Variants in LONP1 observed in about 807,000 individuals in gnomAD.
The protein encoded by LONP1 is lon protease homolog, mitochondrial.
LONP1 carries 31 observed loss-of-function variants against 98.5 expected under a neutral mutation model. That is an observed-to-expected ratio of 0.31 (90% confidence interval 0.24 to 0.42). The LOEUF (loss-of-function observed/expected upper bound fraction) is 0.42. LONP1 is among the 20% of genes least tolerant of loss of function. LONP1 has a pLI of 1.00. For missense variants in LONP1, 1,336 were observed against 1,350.6 expected (o/e 0.99, Z 0.17); for synonymous variants, 781 against 594.7 (o/e 1.31, Z -4.56).
At chr19:5,696,831 G>A (rs1568313580) in intron 10 of LONP1, 74 bp from the exon 11 acceptor site, 2 of 1,000,426 alleles carry the variant, frequency 2.0e-6, no homozygotes, top group Non-Finnish European at 3.0e-6. Flanking sequence ...CACCCTCCAG[G>A]GCCACAGGGG....
In LONP1 at chr19:5,713,140, T is replaced by C; in HGVS notation, c.632A>G (p.His211Arg). Residue 211 changes from histidine to arginine, a missense_variant, in exon 3 of 18, where the codon CAC (histidine) becomes CGC (arginine). This residue lies in a region of LONP1 where 457 missense variants were observed against 403.1 expected (regional missense o/e 1.13). Transcript: ENST00000360614. Reference protein sequence around the residue: ...GDKLRMIVMGHRRVHISRQLE... With the variant: ...GDKLRMIVMGRRRVHISRQLE... The stretch of plus-strand genomic sequence containing the variant: ...TCCCCCGCCAGCCACCCACCTTCTG[T>C]GTCCCATGACGATCATGCGCAGCTT... 1.2e-6 allele frequency: 2 copies of C among 1,614,066 alleles called. No homozygotes were observed. The highest frequency in any genetic ancestry group is 1.7e-6 in the Non-Finnish European group (2 of 1,179,972).
chr19:5,693,694 C>T lies in LONP1; in HGVS notation c.2396G>A (p.Ser799Asn), dbSNP rs890065978. ...CCCCAGCTGGCCTGTCACCTCCAGG[C>T]TGCCATCCTTGTCACCCTTGGCATC... is the stretch of plus-strand genomic sequence containing the variant. ...DKDAKGDKDGSLEVTGQLGEV... is the reference protein window; with the variant it reads ...DKDAKGDKDGNLEVTGQLGEV... Residue 799 changes from serine to asparagine, a missense_variant, in exon 16 of 18, where the codon AGC becomes AAC. By Grantham distance (46) the Ser-to-Asn change is conservative (BLOSUM62 1). Around this residue, in one of 5 missense-constraint regions of LONP1, gnomAD observed 555 missense variants for 542.6 expected, o/e 1.02. Coordinates refer to ENST00000360614, the MANE Select transcript of LONP1 (RefSeq NM_004793.4). The T allele has an allele frequency of 6.2e-7, 1 of 1,614,018 alleles. No homozygotes were observed. The highest frequency in any genetic ancestry group is 1.3e-5 in the African/African-American group (1 of 74,914).
chr19:5,719,928 A>C lies in LONP1; in HGVS notation c.205T>G (p.Trp69Gly). Residue 69 changes from tryptophan (W) to glycine (G), a missense_variant, in exon 1 of 18, where the codon TGG (tryptophan) becomes GGG (glycine). Around this residue, in one of 5 missense-constraint regions of LONP1, gnomAD observed 457 missense variants for 403.1 expected, o/e 1.13. Transcript: ENST00000360614. The stretch of plus-strand genomic sequence containing the variant: ...CCTCCGCCGCGGCTGCTCGCTTCCC[A>C]AAACCCCCGCCATTGGCCCCCAATT... ...PAIGGQWRGF[W>G]EASSRGGGAF... 6.4e-7 allele frequency: 1 copy of C among 1,551,838 alleles called. No individual in the cohort carries two copies. The highest frequency in any genetic ancestry group is 8.7e-7 in the Non-Finnish European group (1 of 1,150,316).
chr19:5,720,424 G>A (rs572413297), upstream of LONP1: 6 of 578,846 alleles, frequency 1.0e-5, no homozygotes, highest in South Asian at 1.3e-4. Flanking sequence ...CAACGTTTAG[G>A]AACTCATGAG....
In LONP1 at chr19:5,711,801, G is replaced by A. The variant is rs771880757; in HGVS notation, c.840C>T (p.His280=). 6.8e-6 allele frequency: 11 copies of A among 1,611,138 alleles called. No homozygotes were observed. The highest frequency in any genetic ancestry group is 1.6e-4 in the Middle Eastern group (1 of 6,074). ...VLMVEVENVV[H]EDFQVTEEVK... ...CCTCCTCCGTGACCTGGAAGTCCTCGTGGACAACGTTCTCTACCTCCACCA... is the reference window on the plus strand; with the variant it reads ...CCTCCTCCGTGACCTGGAAGTCCTCATGGACAACGTTCTCTACCTCCACCA... The change falls in exon 4 of 18, where the codon CAC becomes CAT. Residue 280 remains histidine, a synonymous_variant. Coordinates refer to ENST00000360614, the MANE Select transcript of LONP1 (RefSeq NM_004793.4).
intron 4 of LONP1, among the ~76,000 whole-genome samples, chr19:5,709,238 C>A (rs2055198125): frequency 6.6e-6 from 1 of 151,358 alleles, no homozygotes; most frequent in Non-Finnish European, 1.5e-5. Context: ...CCTGTAACAC[C>A]AACACTTTGG....
intron 8 of LONP1, among the ~76,000 whole-genome samples, chr19:5,701,847 A>G (rs971392556): frequency 2.7e-5 from 4 of 150,194 alleles, no homozygotes; most frequent in African/African-American, 9.9e-5. Flanking sequence ...GAAGGTGAGG[A>G]GCGTCTCTGC....
chr19:5,695,088 C>T lies in LONP1; in HGVS notation c.2014-187G>A, dbSNP rs541732028. ...CATGCCCAGAGGCCCCAGGCCTTTG[C>T]TTGTGCTGCGTCCTCTGCTTGGATC... On this transcript the variant is annotated intron_variant, in intron 13 of 17. Transcript: ENST00000360614. Among the ~76,000 whole-genome samples, 96 of 152,148 alleles carry T rather than the reference C, an allele frequency of 6.3e-4. 1 individual carries two copies. Among genetic ancestry groups the T allele is most frequent in the African/African-American group, 1.5e-3 (61 of 41,536 alleles).
chr19:5,701,394 CTG>C (rs1568317909), intron 8 of LONP1, among the ~76,000 whole-genome samples: 2 of 151,950 alleles, frequency 1.3e-5, no homozygotes, highest in African/African-American at 4.8e-5. Flanking sequence ...CGAGGCTGGA[CTG>C]TGTGCTGCCA....
At chr19:5,697,967 G>C (rs963756558) in intron 10 of LONP1, among the ~76,000 whole-genome samples, 7 of 151,352 alleles carry the variant, frequency 4.6e-5, no homozygotes, top group African/African-American at 7.3e-5. Flanking sequence ...GGAAGGACTG[G>C]GTGCCCCCCA....
chr19:5,697,995 T>TCCCCCCCCCCCCCCCCCCCCCC (rs2054972818), intron 10 of LONP1, among the ~76,000 whole-genome samples: 2 of 59,540 alleles, frequency 3.4e-5, no homozygotes, highest in Admixed American at 1.6e-4. Flanking sequence ...CCCTCCACCT[T>TCCCCCCCCCCCCCCCCCCCCCC]CACCCAGCTG....
intron 10 of LONP1, among the ~76,000 whole-genome samples, chr19:5,697,533 G>C (rs955519192): frequency 7.1e-6 from 1 of 140,060 alleles, no homozygotes; most frequent in Non-Finnish European, 1.5e-5. Flanking sequence ...GGAGGAGAGG[G>C]GGAAGAGGGA....
intron 17 of LONP1, among the ~76,000 whole-genome samples, chr19:5,693,001 G>C (rs1007517104): frequency 1.3e-5 from 2 of 152,020 alleles, no homozygotes; most frequent in South Asian, 4.1e-4. Context: ...CCTAAACGTC[G>C]TCCCCATCTC....
At chr19:5,715,640 TCATAAAAAAAAAAAA>T (rs1410412617) in intron 1 of LONP1, among the ~76,000 whole-genome samples, 3 of 54,032 alleles carry the variant, frequency 5.6e-5, no homozygotes, top group African/African-American at 2.5e-4. Context: ...AGACTCTGTC[TCATAAAAAAAAAAAA>T]AAAAAAAAAA....
intron 8 of LONP1, among the ~76,000 whole-genome samples, chr19:5,702,382 C>T (rs1416905328): frequency 1.5e-4 from 23 of 149,216 alleles, no homozygotes; most frequent in African/African-American, 4.7e-4. Context: ...CCCGGCCAGC[C>T]GCCCCGTCCG....
chr19:5,694,393 C>A lies in LONP1; in HGVS notation c.2314G>T (p.Ala772Ser), dbSNP rs766234254. The A allele has an allele frequency of 5.6e-6, 9 of 1,612,690 alleles. No homozygotes were observed. Among genetic ancestry groups the A allele is most frequent in the Admixed American group, 1.7e-5 (1 of 59,988 alleles). Residue 772 changes from alanine to serine, a missense_variant, in exon 15 of 18, where the codon GCA (alanine) becomes TCA (serine). This residue lies in a region of LONP1 where 555 missense variants were observed against 542.6 expected (regional missense o/e 1.02). Transcript: ENST00000360614. The stretch of plus-strand genomic sequence containing the variant: ...CTCCCGCCACCACGCTCACCCATTG[C>A]GGTCCAGGCCAGCCCCATGACCACG... ...PGVVMGLAWT[A>S]MGGSTLFVET... is the part of the protein sequence containing the mutation.
chr19:5,698,953 G>T (rs1282772140), intron 10 of LONP1, 74 bp downstream of exon 10: 2 of 1,456,754 alleles, frequency 1.4e-6, no homozygotes, highest in Admixed American at 2.1e-5. Context: ...GATGTTAAAG[G>T]GTGACCGGAG....
chr19:5,703,256 G>A (rs1427817029), intron 8 of LONP1, among the ~76,000 whole-genome samples: 3 of 152,128 alleles, frequency 2.0e-5, no homozygotes, highest in African/African-American at 7.2e-5. Context: ...GATGGCCGGA[G>A]GTCCACTGCT....
intron 14 of LONP1, 86 bp from the exon 15 acceptor site, chr19:5,694,638 C>CGGGCGCGGGGTGGTGGGGTGAG: frequency 6.6e-7 from 1 of 1,522,928 alleles, no homozygotes; most frequent in Non-Finnish European, 9.0e-7. Flanking sequence ...AAAGGTGTGA[C>CGGGCGCGGGGTGGTGGGGTGAG]GGGCGCGGGG....
Sources: gnomAD v4.1 joint callset for allele counts (sites outside exome capture counted in the v4.1 genomes callset) on GRCh38, gnomAD v4.1.1 for gene constraint, gnomAD v4.1.1 regional missense constraint, MANE v1.5 for transcripts, NCBI Gene and HGNC (gene_info 2026-07-23, HGNC 2026-07-21) for gene names.